The following ARHGEF9 variants were observed in gnomAD, a reference collection of about 807,000 sequenced individuals.
ARHGEF9 encodes Cdc42 guanine nucleotide exchange factor 9, also known as rho guanine nucleotide exchange factor 9.
In ARHGEF9, 2 loss-of-function variants were observed where a neutral mutation model predicts 41.3. The ratio of observed to expected loss-of-function variants is 0.05; its 90% CI spans 0.02 to 0.15. ARHGEF9 has a LOEUF of 0.15. ARHGEF9 is among the 10% of genes least tolerant of loss of function. The pLI is 1.00. For missense variants in ARHGEF9, 225 were observed against 424.7 expected, an observed-to-expected ratio of 0.53 and a Z score of 4.13; for synonymous variants, 160 against 154.4, an observed-to-expected ratio of 1.04 and a Z score of -0.27.
At chrX:63,724,817 T>C (rs2053857361) in intron 1 of ARHGEF9, 106 bp from the exon 2 acceptor site, 2 of 811,411 alleles carry the variant, frequency 2.5e-6, no homozygotes, top group Non-Finnish European at 3.7e-6. Flanking sequence ...TATACTCAAG[T>C]GGTGAGAGAT....
At chrX:63,644,102 G>A in intron 8 of ARHGEF9, 54 bp from the exon 9 acceptor site, 1 of 873,119 alleles carries the variant, frequency 1.1e-6, no homozygotes, top group Non-Finnish European at 1.6e-6. Flanking sequence ...CCCTTACTGA[G>A]TGTATAAATG....
intron 4 of ARHGEF9, among the ~76,000 whole-genome samples, chrX:63,684,787 A>G (rs1349398433): frequency 9.1e-6 from 1 of 110,387 alleles, no homozygotes; most frequent in Admixed American, 9.7e-5. Context: ...TCAGACTTTA[A>G]AAAGAAGGAG....
rs782125433 is a variant in ARHGEF9 at position 63,749,341 on chromosome X, C to G, written c.31-24630G>C. Among the ~76,000 whole-genome samples the G allele has an allele frequency of 1.3e-3, 147 of 111,852 alleles. 1 individual carries two copies. The highest frequency in any genetic ancestry group is 4.6e-3 in the Middle Eastern group (1 of 217). ...CCGCCTCCTGGGTTCAAGTGACTCT[C>G]CTGCCTCAGCCTCCCAAGTAGCTGG... On this transcript the variant is annotated intron_variant, in intron 1 of 9. Transcript: ENST00000671741.
intron 7 of ARHGEF9, among the ~76,000 whole-genome samples, chrX:63,665,500 A>G (rs2049473935): frequency 8.8e-6 from 1 of 113,193 alleles, no homozygotes; most frequent in Admixed American, 9.3e-5. Context: ...GAGCCATTAG[A>G]GTGGAAATGA....
At chrX:63,718,890 G>A (rs1394287071) in intron 2 of ARHGEF9, among the ~76,000 whole-genome samples, 1 of 111,366 alleles carries the variant, frequency 9.0e-6, no homozygotes, top group East Asian at 2.8e-4. Context: ...CTATGAGGGT[G>A]ACCTGTGCTA....
chrX:63,778,238 G>T (rs1368987046), intron 1 of ARHGEF9, among the ~76,000 whole-genome samples: 1 of 112,413 alleles, frequency 8.9e-6, no homozygotes, highest in Non-Finnish European at 1.9e-5. Context: ...TGTATAACCT[G>T]CCACGGCTTG....
At chrX:63,775,389 C>G (rs782710808) in intron 1 of ARHGEF9, among the ~76,000 whole-genome samples, 1 of 112,434 alleles carries the variant, frequency 8.9e-6, no homozygotes, top group Non-Finnish European at 1.9e-5. Flanking sequence ...ATGTTCGTCA[C>G]AGCACTATTC....
chrX:63,644,648 T>A (rs781820884), intron 8 of ARHGEF9, among the ~76,000 whole-genome samples: 1 of 110,056 alleles, frequency 9.1e-6, no homozygotes, highest in Non-Finnish European at 1.9e-5. Context: ...AAAAAAAAAA[T>A]CTGACAAGCT....
intron 9 of ARHGEF9, chrX:63,642,826 T>G (rs1265755944): frequency 5.4e-5 from 6 of 111,362 alleles, no homozygotes; most frequent in Admixed American, 9.5e-5. Context: ...TGAACATGGC[T>G]ATCAGTAATA....
At chrX:63,775,591 C>T (rs1242578746) in intron 1 of ARHGEF9, among the ~76,000 whole-genome samples, 1 of 112,067 alleles carries the variant, frequency 8.9e-6, no homozygotes, top group Non-Finnish European at 1.9e-5. Context: ...CCAAGTACTG[C>T]ATGTTCTCAC....
intron 1 of ARHGEF9, among the ~76,000 whole-genome samples, chrX:63,768,864 C>T (rs1556453015): frequency 8.9e-6 from 1 of 112,077 alleles, no homozygotes; most frequent in Non-Finnish European, 1.9e-5. Flanking sequence ...CCTCCCCAGC[C>T]ATGTGAAACT....
At chrX:63,746,323 C>A (rs2147750627) in intron 1 of ARHGEF9, among the ~76,000 whole-genome samples, 1 of 112,002 alleles carries the variant, frequency 8.9e-6, no homozygotes, top group South Asian at 3.7e-4. Flanking sequence ...TGAACACATC[C>A]CTCTCTAAAC....
intron 1 of ARHGEF9, among the ~76,000 whole-genome samples, chrX:63,731,520 A>G (rs1260310059): frequency 2.8e-5 from 3 of 106,127 alleles, no homozygotes; most frequent in African/African-American, 1.1e-4. Context: ...AACTCACCAA[A>G]TGATCTTGGA....
chrX:63,731,163 A>C (rs1372884389), intron 1 of ARHGEF9, among the ~76,000 whole-genome samples: 1 of 111,956 alleles, frequency 8.9e-6, no homozygotes, highest in Non-Finnish European at 1.9e-5. Flanking sequence ...AAAAGGAGGG[A>C]CATGACAGGG....
chrX:63,753,880 T>C (rs1255854110), intron 1 of ARHGEF9, among the ~76,000 whole-genome samples: 1 of 111,846 alleles, frequency 8.9e-6, no homozygotes, highest in Non-Finnish European at 1.9e-5. Flanking sequence ...CCTTAGACAC[T>C]AAAGAAGCAT....
intron 1 of ARHGEF9, among the ~76,000 whole-genome samples, chrX:63,766,339 A>C (rs1397357005): frequency 1.8e-5 from 2 of 111,681 alleles, no homozygotes; most frequent in Non-Finnish European, 3.8e-5. Context: ...TATCCAGAGG[A>C]GTTAGGTAAT....
chrX:63,739,999 A>G (rs781823184), intron 1 of ARHGEF9, among the ~76,000 whole-genome samples: 1 of 111,732 alleles, frequency 8.9e-6, no homozygotes, highest in Non-Finnish European at 1.9e-5. Flanking sequence ...CAAACCAGAT[A>G]AAATGGCCAT....
chrX:63,780,852 G>A (rs1449199405), intron 1 of ARHGEF9, among the ~76,000 whole-genome samples: 1 of 111,730 alleles, frequency 9.0e-6, no homozygotes, highest in Non-Finnish European at 1.9e-5. Flanking sequence ...AGTTTGTAAA[G>A]GTTCAAAATC....
chrX:63,737,329 C>T (rs1376570072), intron 1 of ARHGEF9, among the ~76,000 whole-genome samples: 3 of 112,118 alleles, frequency 2.7e-5, no homozygotes, highest in African/African-American at 3.2e-5. Flanking sequence ...GCAGATCCAG[C>T]GCCTCTCTGA....
Sources: allele counts gnomAD v4.1 joint callset (sites outside exome capture counted in the v4.1 genomes callset), GRCh38; gene constraint gnomAD v4.1.1; transcripts MANE v1.5; gene names NCBI Gene and HGNC (gene_info 2026-07-23, HGNC 2026-07-21).